The following SCLY variants were observed in gnomAD, a reference collection of about 807,000 sequenced individuals.
The protein encoded by SCLY is putative selenocysteine lyase.
In SCLY, 38 loss-of-function variants were observed where a neutral mutation model predicts 50.1. The ratio of observed to expected loss-of-function variants is 0.76; its 90% CI spans 0.59 to 0.99. SCLY has a LOEUF of 0.99. SCLY is among the 50% of genes least tolerant of loss of function. The pLI is 0.00. For missense variants in SCLY, 600 were observed against 620.0 expected (o/e 0.97, Z 0.34); for synonymous variants, 243 against 249.4 (o/e 0.97, Z 0.24).
rs1288415118 is a variant in SCLY, at chr2:238,083,312, C to T, written c.842C>T (p.Pro281Leu). 1.9e-6 allele frequency: 3 copies of T among 1,613,868 alleles called. No individual in the cohort carries two copies. The Admixed American group carries it at 5.0e-5, about 27-fold the overall frequency. Residue 281 changes from proline to leucine, a missense_variant, in exon 7 of 12, where the codon CCT becomes CTT. Pro to Leu is a moderately conservative substitution (Grantham distance 98). Coordinates refer to ENST00000254663, the MANE Select transcript of SCLY (RefSeq NM_016510.7). The surrounding 1 kb of genome is among the most constrained non-coding windows in gnomAD (Gnocchi z 4.3). The part of the protein sequence containing the change: ...RGLGEFTPLY[P>L]MLFGGGQERN... ...CTTGGTGAATTTACCCCTCTCTACC[C>T]TATGCTATTTGGAGGTGGACAAGAA...
intron 7 of SCLY, among the ~76,000 whole-genome samples, chr2:238,087,918 G>A (rs1319921440): frequency 2.6e-5 from 4 of 151,928 alleles, no homozygotes; most frequent in African/African-American, 9.7e-5. Flanking sequence ...ACCATAGTGA[G>A]ACCCCTCTAC....
At chr2:238,094,381 T>A in intron 9 of SCLY, 39 bp from the exon 10 acceptor site, 1 of 1,540,514 alleles carries the variant, frequency 6.5e-7, no homozygotes, top group Non-Finnish European at 9.0e-7. Context: ...TGGTGGTGTC[T>A]TTGAAGCTGT....
chr2:238,097,275 A>C (rs1210274698), intron 11 of SCLY, among the ~76,000 whole-genome samples: 1 of 152,196 alleles, frequency 6.6e-6, no homozygotes, highest in African/African-American at 2.4e-5. Context: ...CAGGTGTCAG[A>C]TCAGCCATCT....
rs2065396314 is a variant in SCLY at position 238,093,910 on chromosome 2, G to A, written c.971G>A (p.Arg324Lys). 6.2e-7 allele frequency: 1 copy of A among 1,614,012 alleles called. No individual in the cohort carries two copies. The highest frequency in any genetic ancestry group is 8.5e-7 in the Non-Finnish European group (1 of 1,180,012). Residue 324 changes from arginine (R) to lysine (K), a missense_variant, in exon 9 of 12, where the codon AGG becomes AAG. By Grantham distance (26) the Arg-to-Lys change is conservative. Transcript: ENST00000254663. ...TGCGAGGCTTATGAGGCCCACATGAGGGACGTCCGCGACTACCTGGAAGAG... is the reference window on the plus strand; with the variant it reads ...TGCGAGGCTTATGAGGCCCACATGAAGGACGTCCGCGACTACCTGGAAGAG... ...QNCEAYEAHM[R>K]DVRDYLEERL...
At chr2:238,062,296 G>A (rs2250039) in intron 1 of SCLY, among the ~76,000 whole-genome samples, 129,120 of 152,022 alleles carry the variant, frequency 0.85, 54,900 homozygotes, top group East Asian at 0.97. Flanking sequence ...AGATATAAGG[G>A]CACATGCAAA....
In SCLY at chr2:238,064,287, A is replaced by G. The variant is rs2065048283; in HGVS notation, c.90-70A>G. The G allele has an allele frequency of 4.1e-6, 4 of 983,984 alleles. No individual in the cohort carries two copies. In the Admixed American group the frequency reaches 6.7e-5, roughly 16 times the overall value. The allele number at this position is 983,984 out of a possible 1,614,324, so 61.0% of individuals were successfully genotyped here. On this transcript the variant is annotated intron_variant, in intron 1 of 11. Transcript: ENST00000254663. Reference sequence around the variant, plus strand: ...ATTTGCTCCTGCCGATGGGATAGACACAGAGCAGCCATATTTCCCATATGC... The same window carrying G: ...ATTTGCTCCTGCCGATGGGATAGACGCAGAGCAGCCATATTTCCCATATGC...
chr2:238,090,565 G>A (rs1268319752), intron 7 of SCLY, among the ~76,000 whole-genome samples: 2 of 152,296 alleles, frequency 1.3e-5, no homozygotes, highest in East Asian at 3.9e-4. Context: ...ACTTGAACCC[G>A]GCAGGTGGAG....
In SCLY at chr2:238,067,965, C is replaced by T. The variant is rs2065087365; in HGVS notation, c.203-100C>T. 1 of 804,126 alleles carries T rather than the reference C, an allele frequency of 1.2e-6. No homozygotes were observed. The highest frequency in any genetic ancestry group is 1.8e-5 in the South Asian group (1 of 54,696). The allele number at this position is 804,126 out of a possible 1,614,324, so 49.8% of individuals were successfully genotyped here. A position where few individuals can be genotyped will look rare whatever the true frequency, so the allele number is the denominator to read the frequency against. ...GGCCAGGTTTTGTCTTAGAACGGCCCACGCAGACCTCTTATTCCTTTGTAT... is the reference window on the plus strand; with the variant it reads ...GGCCAGGTTTTGTCTTAGAACGGCCTACGCAGACCTCTTATTCCTTTGTAT... On this transcript the variant is annotated intron_variant, in intron 2 of 11. Transcript: ENST00000254663. The surrounding 1 kb of genome is among the most constrained non-coding windows in gnomAD (Gnocchi z 4.3).
intron 9 of SCLY, 178 bp downstream of exon 9, chr2:238,094,122 A>C: frequency 1.5e-6 from 1 of 657,492 alleles, no homozygotes; most frequent in South Asian, 1.9e-5. Flanking sequence ...TGGGATCTGA[A>C]ACCCCGAAAG....
rs1442639435 is a variant in SCLY at position 238,067,960 on chromosome 2, C to T, written c.203-105C>T. 11 of 748,282 alleles carry T rather than the reference C, an allele frequency of 1.5e-5. No individual in the cohort carries two copies. The highest frequency in any genetic ancestry group is 3.5e-5 in the African/African-American group (2 of 56,472). 46.4% of individuals were successfully genotyped at this position (748,282 alleles called of 1,614,324 possible). The stretch of plus-strand genomic sequence containing the variant: ...TAAGGGGCCAGGTTTTGTCTTAGAA[C>T]GGCCCACGCAGACCTCTTATTCCTT... On this transcript the variant is annotated intron_variant, in intron 2 of 11. Coordinates refer to ENST00000254663, the MANE Select transcript of SCLY (RefSeq NM_016510.7). This position sits in a 1 kb window ranked among gnomAD's most constrained non-coding sequence, Gnocchi z 4.3.
In SCLY at chr2:238,097,016, A is replaced by G. The variant is rs1184137361; in HGVS notation, c.1184+140A>G. 3 of 789,362 alleles carry G rather than the reference A, an allele frequency of 3.8e-6. No individual in the cohort carries two copies. The African/African-American group carries it at 5.4e-5, about 14-fold the overall frequency. 48.9% of individuals were successfully genotyped at this position (789,362 alleles called of 1,614,324 possible). On this transcript the variant is annotated intron_variant, in intron 11 of 11. Transcript: ENST00000254663. ...CCTGTCTGGGCCCTAGGAGGGGCAG[A>G]GGGAGGGCTTCCTGGAAGAAGTGAC...
intron 1 of SCLY, 130 bp from the exon 2 acceptor site, chr2:238,064,227 G>A (rs904435324): frequency 6.1e-6 from 3 of 489,888 alleles, no homozygotes; most frequent in African/African-American, 2.0e-5. Flanking sequence ...GATGCCTGCA[G>A]TGCTTATGCA....
At chr2:238,097,626 G>A (rs533569785) in intron 11 of SCLY, among the ~76,000 whole-genome samples, 3 of 152,188 alleles carry the variant, frequency 2.0e-5, no homozygotes, top group South Asian at 2.1e-4. Context: ...CCCTTTGTTG[G>A]GGGGACAGTG....
Position 238,069,694 on chromosome 2 carries a change from A to G in SCLY, c.484+217A>G. On this transcript the variant is annotated intron_variant, in intron 4 of 11. Transcript: ENST00000254663. This position sits in a 1 kb window ranked among gnomAD's most constrained non-coding sequence, Gnocchi z 5.0. ...GCTCCCTGGCTGCCCCTCTCGGTGC[A>G]GAGGCCAGCTGCCACAAGGGGGTTG... is the stretch of plus-strand genomic sequence containing the variant. The G allele has an allele frequency of 2.1e-6, 1 of 466,234 alleles. No homozygotes were observed. The highest frequency in any genetic ancestry group is 3.7e-6 in the Non-Finnish European group (1 of 268,148). 28.9% of individuals were successfully genotyped at this position (466,234 alleles called of 1,614,324 possible).
intron 6 of SCLY, 88 bp downstream of exon 6, chr2:238,082,297 A>G (rs374985938): frequency 7.5e-7 from 1 of 1,341,490 alleles, no homozygotes. Flanking sequence ...CTCACTGCCC[A>G]CCGTGAGCCA....
intron 1 of SCLY, among the ~76,000 whole-genome samples, chr2:238,063,224 T>C (rs963988632): frequency 5.3e-5 from 8 of 150,480 alleles, no homozygotes; most frequent in African/African-American, 1.7e-4. Flanking sequence ...CATAGGTGGC[T>C]GCAGTTTTGT....
At chr2:238,084,904 A>AT (rs1362335499) in intron 7 of SCLY, among the ~76,000 whole-genome samples, 1 of 134,964 alleles carries the variant, frequency 7.4e-6, no homozygotes, top group East Asian at 2.1e-4. Flanking sequence ...AAAAAAAAAA[A>AT]AAAAAAAGAA....
At chr2:238,091,550 C>CGAG in intron 8 of SCLY, 14 of 408,492 alleles carry the variant, frequency 3.4e-5, no homozygotes, top group Admixed American at 7.5e-5. Context: ...GCAGGTTCAC[C>CGAG]ATTCCCAAAG....
chr2:238,091,523 A>AC, intron 8 of SCLY: 10 of 429,934 alleles, frequency 2.3e-5, no homozygotes, highest in South Asian at 1.4e-4. Context: ...GTTACAGCAG[A>AC]GGTGAAGTGT....
Sources: gnomAD v4.1 joint callset for allele counts (sites outside exome capture counted in the v4.1 genomes callset) on GRCh38, gnomAD v4.1.1 for gene constraint, Gnocchi (gnomAD v3.1) non-coding constraint, MANE v1.5 for transcripts, NCBI Gene and HGNC (gene_info 2026-07-23, HGNC 2026-07-21) for gene names.